The following COPB1 variants were observed in gnomAD, a reference collection of about 807,000 sequenced individuals.
COPB1 encodes coat protein complex I subunit beta 1.
COPB1 carries 21 observed loss-of-function variants against 108.7 expected under a neutral mutation model. The ratio of observed to expected loss-of-function variants is 0.19; its 90% confidence interval spans 0.14 to 0.28. The LOEUF is 0.28. Ranked by LOEUF, COPB1 falls within the 10% of genes least tolerant of loss-of-function variation. COPB1 has a pLI of 1.00. For synonymous variants in COPB1, 378 were observed against 386.8 expected (o/e 0.98, Z 0.27); for missense variants, 919 against 1,141.3 (o/e 0.81, Z 2.81).
chr11:14,466,480 C>T (rs1850284127), intron 16 of COPB1, 54 bp from the exon 17 acceptor site: 1 of 1,556,790 alleles, frequency 6.4e-7, no homozygotes, highest in African/African-American at 1.4e-5. Context: ...TTTCACCAAA[C>T]ATACCCTGGC....
chr11:14,472,594 C>T (rs1850433330), intron 14 of COPB1, among the ~76,000 whole-genome samples: 1 of 152,228 alleles, frequency 6.6e-6, no homozygotes, highest in Non-Finnish European at 1.5e-5. Context: ...TACCAAAGTC[C>T]TAGATGGCAT....
In COPB1 at chr11:14,463,767, T is replaced by G. The variant is rs138724124; in HGVS notation, c.2410+1144A>C. On this transcript the variant is annotated intron_variant, in intron 18 of 21. Coordinates refer to ENST00000439561, the MANE Select transcript of COPB1 (RefSeq NM_001144061.2). ...TTCTTCTCTCCTGTATTTCCTGTTA[T>G]GATGATGACATAAACAACCCAATAA... 4.9e-3 allele frequency among the ~76,000 whole-genome samples: 745 copies of G among 152,338 alleles called. 6 individuals are homozygous for G. The highest frequency in any genetic ancestry group is 0.022 in the Admixed American group (342 of 15,304).
At chr11:14,493,435 A>G (rs893310052) in intron 4 of COPB1, among the ~76,000 whole-genome samples, 17 of 152,260 alleles carry the variant, frequency 1.1e-4, no homozygotes, top group African/African-American at 4.1e-4. Flanking sequence ...CTGTTATACA[A>G]GTTCAGCAGA....
At chr11:14,495,735 T>C (rs1383331031) in intron 2 of COPB1, among the ~76,000 whole-genome samples, 2 of 152,188 alleles carry the variant, frequency 1.3e-5, no homozygotes, top group African/African-American at 4.8e-5. Context: ...TGGAGGAAGG[T>C]AGCTAAGGCA....
At chr11:14,468,338 AAG>A (rs1850327728) in intron 16 of COPB1, among the ~76,000 whole-genome samples, 1 of 152,232 alleles carries the variant, frequency 6.6e-6, no homozygotes, top group Non-Finnish European at 1.5e-5. Flanking sequence ...AGCAGAGAAT[AAG>A]AGAAGGTGAG....
At chr11:14,483,534 G>C (rs1259457253) in intron 7 of COPB1, among the ~76,000 whole-genome samples, 1 of 152,160 alleles carries the variant, frequency 6.6e-6, no homozygotes, top group African/African-American at 2.4e-5. Flanking sequence ...TTTCAGTTTA[G>C]AGGCAAAGTC....
At chr11:14,497,016 C>A (rs532745732) in intron 2 of COPB1, among the ~76,000 whole-genome samples, 37 of 152,258 alleles carry the variant, frequency 2.4e-4, no homozygotes, top group African/African-American at 8.4e-4. Flanking sequence ...TCCCCCATCT[C>A]TCAACTTACA....
In COPB1 at chr11:14,474,476, G is replaced by A; in HGVS notation, c.1737+19C>T. ...CTCAATGTTTAATTGTTGGTTAAAT[G>A]TAAAATAAATGAACTTACATTTTGC... is the stretch of plus-strand genomic sequence containing the variant. On this transcript the variant is annotated intron_variant, in intron 14 of 21. Transcript: ENST00000439561. The A allele has an allele frequency of 1.2e-6, 2 of 1,609,118 alleles. No individual in the cohort carries two copies. The highest frequency in any genetic ancestry group is 1.7e-6 in the Non-Finnish European group (2 of 1,176,872).
At chr11:14,467,291 T>C (rs1173756479) in intron 16 of COPB1, among the ~76,000 whole-genome samples, 2 of 151,942 alleles carry the variant, frequency 1.3e-5, no homozygotes, top group Non-Finnish European at 2.9e-5. Context: ...GAAAAGACAC[T>C]CATCATCACT....
chr11:14,476,865 T>C (rs1850531304), intron 12 of COPB1, 54 bp downstream of exon 12: 4 of 1,187,050 alleles, frequency 3.4e-6, no homozygotes, highest in Non-Finnish European at 5.0e-6. Flanking sequence ...AAAGTCAGAT[T>C]TTCCTAAAGG....
Position 14,480,986 on chromosome 11 carries a change from T to C in COPB1, c.1065+4A>G. 1 of 1,613,674 alleles carries C rather than the reference T, an allele frequency of 6.2e-7. No individual in the cohort carries two copies. The highest frequency in any genetic ancestry group is 2.2e-5 in the East Asian group (1 of 44,852). On this transcript the variant is annotated splice_donor_region_variant and intron_variant, in intron 9 of 21. Coordinates refer to ENST00000439561, the MANE Select transcript of COPB1 (RefSeq NM_001144061.2). The stretch of plus-strand genomic sequence containing the variant: ...TACAAAGTGCTGTCAGAGTTTCCTT[T>C]TACCTCTTCAACATTTCTAGAAGAG...
intron 14 of COPB1, 136 bp downstream of exon 14, chr11:14,474,359 G>A: frequency 1.4e-6 from 1 of 694,098 alleles, no homozygotes; most frequent in South Asian, 2.1e-5. Context: ...ATATTACTGT[G>A]TCCACTTCTG....
intron 8 of COPB1, among the ~76,000 whole-genome samples, chr11:14,481,505 C>T (rs1850657931): frequency 6.6e-6 from 1 of 152,142 alleles, no homozygotes; most frequent in Admixed American, 6.5e-5. Flanking sequence ...AATTAAGAGA[C>T]TGAAAGGGCA....
At chr11:14,461,069 C>T in intron 19 of COPB1, 117 bp downstream of exon 19, 13 of 1,263,790 alleles carry the variant, frequency 1.0e-5, no homozygotes, top group Non-Finnish European at 1.5e-5. Context: ...TACTGAAAGA[C>T]TATTTGCTTT....
chr11:14,494,093 T>C, intron 3 of COPB1, 117 bp downstream of exon 3: 1 of 749,550 alleles, frequency 1.3e-6, no homozygotes, highest in Non-Finnish European at 2.1e-6. Context: ...CAATTCCAAA[T>C]CTCTACAACT....
chr11:14,493,304 C>T (rs1303849605), intron 4 of COPB1, among the ~76,000 whole-genome samples: 1 of 152,012 alleles, frequency 6.6e-6, no homozygotes, highest in African/African-American at 2.4e-5. Flanking sequence ...AAACAAGGAC[C>T]AAAGTTAAAA....
intron 11 of COPB1, 148 bp downstream of exon 11, chr11:14,479,421 G>A (rs749332946): frequency 1.4e-5 from 9 of 621,942 alleles, no homozygotes; most frequent in Admixed American, 3.5e-5. Flanking sequence ...CTAAATGAGA[G>A]TGGAGTTAGC....
intron 14 of COPB1, among the ~76,000 whole-genome samples, chr11:14,471,379 A>G (rs1850398220): frequency 6.6e-6 from 1 of 152,148 alleles, no homozygotes; most frequent in Non-Finnish European, 1.5e-5. Flanking sequence ...AAACACTCCC[A>G]ACTTCCAGAA....
rs771375443 is a variant in COPB1, at chr11:14,466,278, T to A, written c.2290+4A>T. On this transcript the variant is annotated splice_donor_region_variant and intron_variant, in intron 17 of 21. Transcript: ENST00000439561. ...TCTCTTTCCTGAATGGTAAGTTTCC[T>A]CACCTAGTGTAGCTAGTTCTAATGT... The A allele has an allele frequency of 8.7e-6, 14 of 1,612,502 alleles. No homozygotes were observed. The East Asian group carries it at 2.5e-4, about 28-fold the overall frequency.
Sources: allele counts gnomAD v4.1 joint callset (sites outside exome capture counted in the v4.1 genomes callset), GRCh38; gene constraint gnomAD v4.1.1; transcripts MANE v1.5; gene names NCBI Gene and HGNC (gene_info 2026-07-23, HGNC 2026-07-21).